WWOX: variants seen among roughly 807,000 people sequenced by gnomAD.
WWOX encodes WW domain containing oxidoreductase.
In WWOX, 69 loss-of-function variants were observed where a neutral mutation model predicts 46.2. The ratio of observed to expected loss-of-function variants is 1.49; its 90% CI spans 1.23 to 1.82. WWOX has a LOEUF of 1.82. Ranked by LOEUF, WWOX falls within the 40% of genes most tolerant of loss-of-function variation. WWOX has a pLI of 0.00. For missense variants in WWOX, 919 were observed against 542.6 expected, an observed-to-expected ratio of 1.69 and a Z score of -6.89; for synonymous variants, 359 against 202.6, an observed-to-expected ratio of 1.77 and a Z score of -6.56.
intron 5 of WWOX, among the ~76,000 whole-genome samples, chr16:78,319,606 A>T (rs1333569326): frequency 1.3e-5 from 2 of 150,822 alleles, no homozygotes; most frequent in African/African-American, 4.8e-5. Context: ...CAGAGCTATA[A>T]AAGAATAAAT....
intron 8 of WWOX, among the ~76,000 whole-genome samples, chr16:78,562,986 C>G (rs2044475089): frequency 6.8e-6 from 1 of 147,214 alleles, no homozygotes; most frequent in South Asian, 2.2e-4. Context: ...TACAGATGTT[C>G]TTTTTTTTTT....
chr16:78,394,052 G>A (rs558451306), intron 6 of WWOX, among the ~76,000 whole-genome samples: 1 of 152,166 alleles, frequency 6.6e-6, no homozygotes, highest in Non-Finnish European at 1.5e-5. Context: ...GGAAGTGGGT[G>A]GGCTATAAAT....
At chr16:78,309,094 C>T (rs970339299) in intron 5 of WWOX, among the ~76,000 whole-genome samples, 3 of 152,150 alleles carry the variant, frequency 2.0e-5, no homozygotes, top group African/African-American at 7.2e-5. Context: ...TCTGAAAATC[C>T]TTGAATCCAC....
At chr16:78,539,137 G>A (rs1403462195) in intron 8 of WWOX, among the ~76,000 whole-genome samples, 5 of 152,198 alleles carry the variant, frequency 3.3e-5, no homozygotes, top group African/African-American at 1.2e-4. Flanking sequence ...GGCCTTTAAT[G>A]ATGTTTTATT....
At chr16:79,032,168 T>A (rs2047774963) in intron 8 of WWOX, among the ~76,000 whole-genome samples, 1 of 145,672 alleles carries the variant, frequency 6.9e-6, no homozygotes, top group Non-Finnish European at 1.5e-5. Flanking sequence ...AAAAACTGTT[T>A]TCCTTTGTCA....
intron 8 of WWOX, among the ~76,000 whole-genome samples, chr16:79,186,343 C>G (rs2051014366): frequency 6.6e-6 from 1 of 152,214 alleles, no homozygotes; most frequent in African/African-American, 2.4e-5. Flanking sequence ...CATGCTCCTT[C>G]TCTAGAGAAC....
At chr16:78,332,285 A>T (rs1014701970) in intron 5 of WWOX, among the ~76,000 whole-genome samples, 3 of 152,190 alleles carry the variant, frequency 2.0e-5, no homozygotes, top group Non-Finnish European at 4.4e-5. Context: ...CTGCTTCCGC[A>T]TTTCTAAAAT....
intron 8 of WWOX, among the ~76,000 whole-genome samples, chr16:78,490,030 C>A (rs369651831): frequency 6.6e-6 from 1 of 151,974 alleles, no homozygotes; most frequent in Non-Finnish European, 1.5e-5. Context: ...AAATACGGAG[C>A]GACATAATTA....
intron 8 of WWOX, among the ~76,000 whole-genome samples, chr16:78,801,762 G>A (rs990513837): frequency 1.3e-5 from 2 of 152,176 alleles, no homozygotes; most frequent in African/African-American, 4.8e-5. Context: ...ATGGATTGAT[G>A]ACATTTCAGT....
intron 5 of WWOX, among the ~76,000 whole-genome samples, chr16:78,206,039 G>T (rs1245327643): frequency 6.7e-6 from 1 of 150,172 alleles, no homozygotes; most frequent in Non-Finnish European, 1.5e-5. Flanking sequence ...TTTCACCATT[G>T]CATTGTGTTT....
intron 8 of WWOX, among the ~76,000 whole-genome samples, chr16:79,184,260 G>A (rs2050970136): frequency 6.6e-6 from 1 of 152,190 alleles, no homozygotes. Context: ...AGTTTGTAGA[G>A]TCCACACAGA....
intron 8 of WWOX, among the ~76,000 whole-genome samples, chr16:78,948,026 G>C (rs1008527873): frequency 4.6e-5 from 7 of 152,226 alleles, no homozygotes; most frequent in Non-Finnish European, 8.8e-5. Context: ...GGACGATGGA[G>C]GCCTGAAGGG....
At chr16:78,676,826 C>T (rs777315094) in intron 8 of WWOX, among the ~76,000 whole-genome samples, 1 of 151,992 alleles carries the variant, frequency 6.6e-6, no homozygotes, top group Non-Finnish European at 1.5e-5. Context: ...TTGATAGGAC[C>T]TCAGGAAAAA....
intron 5 of WWOX, among the ~76,000 whole-genome samples, chr16:78,220,981 A>G (rs977407589): frequency 3.3e-4 from 51 of 152,316 alleles, no homozygotes; most frequent in African/African-American, 1.2e-3. Flanking sequence ...CATTTGATTC[A>G]TATGTATTTA....
chr16:79,064,726 T>A (rs957048032), intron 8 of WWOX, among the ~76,000 whole-genome samples: 6 of 152,188 alleles, frequency 3.9e-5, no homozygotes, highest in Non-Finnish European at 8.8e-5. Context: ...AGTGTACAAT[T>A]CATGGGCTAC....
intron 8 of WWOX, among the ~76,000 whole-genome samples, chr16:79,020,515 C>G (rs145908922): frequency 6.6e-6 from 1 of 152,270 alleles, no homozygotes; most frequent in Non-Finnish European, 1.5e-5. Context: ...GTAATCCAAC[C>G]ACAGTATGAA....
chr16:78,492,243 A>G (rs550383378), intron 8 of WWOX, among the ~76,000 whole-genome samples: 5 of 152,230 alleles, frequency 3.3e-5, no homozygotes, highest in Non-Finnish European at 2.9e-5. Flanking sequence ...GCCACAAGGC[A>G]GTAGAGGTTG....
chr16:78,374,622 C>T (rs2081774114), intron 5 of WWOX, among the ~76,000 whole-genome samples: 1 of 148,188 alleles, frequency 6.7e-6, no homozygotes, highest in African/African-American at 2.5e-5. Flanking sequence ...GATCTTGGCT[C>T]ACTGCAAGCT....
At chr16:78,124,699 T>A (rs1338018897) in intron 4 of WWOX, among the ~76,000 whole-genome samples, 1 of 152,218 alleles carries the variant, frequency 6.6e-6, no homozygotes, top group Non-Finnish European at 1.5e-5. Flanking sequence ...AAGGGTTGCA[T>A]TGTGTGACAA....
Sources: allele counts gnomAD v4.1 joint callset (sites outside exome capture counted in the v4.1 genomes callset), GRCh38; gene constraint gnomAD v4.1.1; transcripts MANE v1.5; gene names NCBI Gene and HGNC (gene_info 2026-07-23, HGNC 2026-07-21).